The following EYS variants were observed in gnomAD, a reference collection of about 807,000 sequenced individuals.
EYS encodes protein eyes shut homolog.
In EYS, 250 loss-of-function variants were observed where a neutral mutation model predicts 282.1. That is an observed-to-expected ratio of 0.89 (90% confidence interval 0.80 to 0.98). The LOEUF is 0.98. Ranked by LOEUF, EYS falls within the 50% of genes least tolerant of loss-of-function variation. The pLI is 0.00. For missense variants in EYS, 4,016 were observed against 3,709.0 expected, an observed-to-expected ratio of 1.08 and a Z score of -2.15; for synonymous variants, 1,355 against 1,282.9, an observed-to-expected ratio of 1.06 and a Z score of -1.20.
At chr6:64,934,330 A>G (rs1313803205) in intron 15 of EYS, among the ~76,000 whole-genome samples, 1 of 151,876 alleles carries the variant, frequency 6.6e-6, no homozygotes, top group African/African-American at 2.4e-5. Flanking sequence ...CCAAAAGGAA[A>G]AGGGATAGAT....
chr6:65,072,316 T>C (rs1022252329), intron 12 of EYS, among the ~76,000 whole-genome samples: 1 of 151,688 alleles, frequency 6.6e-6, no homozygotes, highest in Non-Finnish European at 1.5e-5. Context: ...ATCAGAGACC[T>C]AAGATATCTT....
chr6:64,256,964 A>G (rs1767423447), intron 30 of EYS, among the ~76,000 whole-genome samples: 1 of 152,048 alleles, frequency 6.6e-6, no homozygotes, highest in African/African-American at 2.4e-5. Context: ...GAACTTCAGC[A>G]CAATTATTTG....
intron 31 of EYS, among the ~76,000 whole-genome samples, chr6:64,125,225 C>G (rs1773734549): frequency 6.6e-6 from 1 of 150,992 alleles, no homozygotes; most frequent in Non-Finnish European, 1.5e-5. Flanking sequence ...ATGCATACAA[C>G]CAGGCTTTCT....
rs567884502 is a variant in EYS, at chr6:65,071,904, A to C, written c.2024-14177T>G. Among the ~76,000 whole-genome samples the C allele has an allele frequency of 2.0e-5, 3 of 151,876 alleles. No individual in the cohort carries two copies. The South Asian group carries it at 6.2e-4, about 31-fold the overall frequency. Reference sequence around the variant, plus strand: ...TACTACATAGATTAATGCCATTATAAAAGTGCTTGATGAGGAATTGCATCC... The same window carrying C: ...TACTACATAGATTAATGCCATTATACAAGTGCTTGATGAGGAATTGCATCC... On this transcript the variant is annotated intron_variant, in intron 12 of 42. Transcript: ENST00000503581.
At chr6:64,260,006 C>T (rs1360739427) in intron 30 of EYS, among the ~76,000 whole-genome samples, 2 of 151,944 alleles carry the variant, frequency 1.3e-5, no homozygotes, top group Admixed American at 1.3e-4. Flanking sequence ...GGACATTTAG[C>T]CATCTGAAGT....
intron 5 of EYS, among the ~76,000 whole-genome samples, chr6:65,464,557 C>A (rs1341128301): frequency 6.6e-6 from 1 of 152,134 alleles, no homozygotes; most frequent in East Asian, 1.9e-4. Context: ...GTCTTCTCAT[C>A]ATCTAAAAGA....
intron 19 of EYS, among the ~76,000 whole-genome samples, chr6:64,866,532 T>G (rs1337760475): frequency 6.6e-6 from 1 of 151,878 alleles, no homozygotes; most frequent in Non-Finnish European, 1.5e-5. Context: ...AGAATTTTTC[T>G]GCCTGTATTG....
At chr6:64,883,416 T>A (rs1455040383) in intron 19 of EYS, among the ~76,000 whole-genome samples, 4 of 151,368 alleles carry the variant, frequency 2.6e-5, no homozygotes, top group Non-Finnish European at 4.4e-5. Flanking sequence ...TTAGGCATTT[T>A]AAAAATATTT....
At chr6:64,350,806 A>G (rs1241135262) in intron 29 of EYS, among the ~76,000 whole-genome samples, 1 of 151,508 alleles carries the variant, frequency 6.6e-6, no homozygotes, top group Non-Finnish European at 1.5e-5. Context: ...ATTGTAATCC[A>G]AATTGTAATT....
In EYS at chr6:65,003,926, T is replaced by C. The variant is rs903938194; in HGVS notation, c.2138-6223A>G. On this transcript the variant is annotated intron_variant, in intron 13 of 42. Coordinates refer to ENST00000503581, the MANE Select transcript of EYS (RefSeq NM_001142800.2). Reference sequence around the variant, plus strand: ...ATAATGTCATTTCGTTTTCTGTGTCTCAACAAAATTACCCATTTTAGGCAT... The same window carrying C: ...ATAATGTCATTTCGTTTTCTGTGTCCCAACAAAATTACCCATTTTAGGCAT... Among the ~76,000 whole-genome samples the C allele has an allele frequency of 5.4e-5, 8 of 147,500 alleles. 1 individual carries two copies. The highest frequency in any genetic ancestry group is 1.2e-4 in the Non-Finnish European group (8 of 65,956).
Position 63,775,807 on chromosome 6 carries a change from T to C in EYS, c.7898+2199A>G, listed in dbSNP as rs185633474. On this transcript the variant is annotated intron_variant, in intron 40 of 42. Coordinates refer to ENST00000503581, the MANE Select transcript of EYS (RefSeq NM_001142800.2). Reference sequence around the variant, plus strand: ...GCCACTGGATCTGAATGTCTGTGAATGGGAGACTTAATATTTTTGAACAGC... The same window carrying C: ...GCCACTGGATCTGAATGTCTGTGAACGGGAGACTTAATATTTTTGAACAGC... Among the ~76,000 whole-genome samples the C allele has an allele frequency of 1.2e-4, 18 of 152,296 alleles. No homozygotes were observed. In the East Asian group the frequency reaches 2.7e-3, roughly 23 times the overall value.
chr6:65,513,765 A>C (rs1311514486), intron 2 of EYS, among the ~76,000 whole-genome samples: 9 of 151,888 alleles, frequency 5.9e-5, no homozygotes, highest in Non-Finnish European at 1.3e-4. Flanking sequence ...AACTCTCAAT[A>C]AATTAGGTAT....
chr6:65,634,406 C>T (rs145830580), intron 2 of EYS, among the ~76,000 whole-genome samples: 11 of 152,230 alleles, frequency 7.2e-5, no homozygotes, highest in African/African-American at 2.6e-4. Flanking sequence ...TGTTAGCTTC[C>T]ATGTTAAGGC....
At chr6:63,811,699 G>A (rs1771050793) in intron 36 of EYS, among the ~76,000 whole-genome samples, 1 of 151,744 alleles carries the variant, frequency 6.6e-6, no homozygotes, top group Non-Finnish European at 1.5e-5. Flanking sequence ...ATTTCAAACT[G>A]ATCATACACA....
At chr6:64,534,243 T>C (rs1042250279) in intron 26 of EYS, among the ~76,000 whole-genome samples, 2 of 151,972 alleles carry the variant, frequency 1.3e-5, no homozygotes, top group Non-Finnish European at 2.9e-5. Context: ...ATTTATTTTC[T>C]TCTTTCTTGT....
intron 1 of EYS, among the ~76,000 whole-genome samples, chr6:65,647,031 AAC>A (rs1277535765): frequency 6.6e-6 from 1 of 152,206 alleles, no homozygotes; most frequent in African/African-American, 2.4e-5. Context: ...AACAAATGGA[AAC>A]ACATTCCATG....
intron 35 of EYS, among the ~76,000 whole-genome samples, chr6:63,940,585 G>C (rs921032794): frequency 2.6e-5 from 4 of 152,076 alleles, no homozygotes; most frequent in Non-Finnish European, 5.9e-5. Context: ...AAAAACATCA[G>C]GATAACAGGA....
chr6:64,600,588 C>T (rs780231110), intron 24 of EYS, among the ~76,000 whole-genome samples: 4 of 152,136 alleles, frequency 2.6e-5, no homozygotes, highest in Non-Finnish European at 4.4e-5. Context: ...ATGTAGGGTT[C>T]ATGATAATAA....
At chr6:65,196,696 C>T (rs1465943246) in intron 12 of EYS, among the ~76,000 whole-genome samples, 2 of 152,048 alleles carry the variant, frequency 1.3e-5, no homozygotes, top group African/African-American at 2.4e-5. Flanking sequence ...AAAACTAAAG[C>T]AGTAAGAGCA....
Sources: gnomAD v4.1 joint callset for allele counts (sites outside exome capture counted in the v4.1 genomes callset) on GRCh38, gnomAD v4.1.1 for gene constraint, MANE v1.5 for transcripts, NCBI Gene and HGNC (gene_info 2026-07-23, HGNC 2026-07-21) for gene names.